NMNAT3: variants seen among roughly 807,000 people sequenced by gnomAD.
NMNAT3 encodes the protein nicotinamide nucleotide adenylyltransferase 3.
In NMNAT3, 21 loss-of-function variants were observed where a neutral mutation model predicts 24.8. That is an observed-to-expected ratio of 0.85 (90% CI 0.60 to 1.22). The LOEUF is 1.22. Among genes scored for constraint, NMNAT3 ranks in the 50% most tolerant of loss-of-function variants. The pLI is 0.00. For missense variants in NMNAT3, 387 were observed against 436.6 expected, an observed-to-expected ratio of 0.89 and a Z score of 1.01; for synonymous variants, 136 against 155.2, an observed-to-expected ratio of 0.88 and a Z score of 0.92.
chr3:139,563,544 A>G lies in NMNAT3; in HGVS notation c.659-2152T>C, dbSNP rs148319023. 3.3e-4 allele frequency among the ~76,000 whole-genome samples: 51 copies of G among 152,310 alleles called. 1 individual carries two copies. In the East Asian group the frequency reaches 8.3e-3, roughly 25 times the overall value. ...GATTCATTAACAATGACAGCAAGGA[A>G]TACTATTCACTTTGAGCCTTGCCTA... is the stretch of plus-strand genomic sequence containing the variant. On this transcript the variant is annotated intron_variant, in intron 6 of 6. Coordinates refer to ENST00000643695, the MANE Select transcript of NMNAT3 (RefSeq NM_001320510.2).
At chr3:139,578,013 C>T (rs1939591671) in intron 5 of NMNAT3, among the ~76,000 whole-genome samples, 1 of 152,222 alleles carries the variant, frequency 6.6e-6, no homozygotes, top group Non-Finnish European at 1.5e-5. Flanking sequence ...CCTCCCATTT[C>T]CTGCCAATCC....
chr3:139,604,357 A>T (rs2054846277), intron 3 of NMNAT3, among the ~76,000 whole-genome samples: 1 of 152,218 alleles, frequency 6.6e-6, no homozygotes, highest in South Asian at 2.1e-4. Context: ...AGTTTATGTA[A>T]CTGAGCTATT....
chr3:139,588,306 G>A (rs574342243), intron 3 of NMNAT3, among the ~76,000 whole-genome samples: 4 of 152,150 alleles, frequency 2.6e-5, no homozygotes, highest in East Asian at 1.9e-4. Context: ...TTTTCGTTCT[G>A]GGTAACACGA....
At chr3:139,565,435 A>C (rs963481926) in intron 6 of NMNAT3, 1 of 152,182 alleles carries the variant, frequency 6.6e-6, no homozygotes, top group African/African-American at 2.4e-5. Flanking sequence ...ATACGTATAC[A>C]TATGCCATGT....
chr3:139,621,918 C>CT (rs1394468853), intron 3 of NMNAT3, among the ~76,000 whole-genome samples: 1 of 152,148 alleles, frequency 6.6e-6, no homozygotes, highest in African/African-American at 2.4e-5. Context: ...TGATTTCATT[C>CT]TTTTTTGTGG....
intron 1 of NMNAT3, among the ~76,000 whole-genome samples, chr3:139,641,704 T>A (rs1375786004): frequency 6.6e-6 from 1 of 152,154 alleles, no homozygotes; most frequent in African/African-American, 2.4e-5. Flanking sequence ...ATAAATAAAA[T>A]AATAATTTAC....
At chr3:139,629,926 A>G (rs1222911488) in intron 2 of NMNAT3, among the ~76,000 whole-genome samples, 1 of 152,186 alleles carries the variant, frequency 6.6e-6, no homozygotes, top group Non-Finnish European at 1.5e-5. Flanking sequence ...CTAGGTACCT[A>G]TATCAGTTAG....
chr3:139,600,619 C>T (rs1191993294), intron 3 of NMNAT3, among the ~76,000 whole-genome samples: 1 of 152,136 alleles, frequency 6.6e-6, no homozygotes, highest in African/African-American at 2.4e-5. Flanking sequence ...CTCCCTGCTC[C>T]TGGCTTTTTC....
intron 3 of NMNAT3, chr3:139,599,569 G>C: frequency 1.6e-6 from 1 of 606,232 alleles, no homozygotes; most frequent in Admixed American, 3.0e-5. Flanking sequence ...AAAAAGACCA[G>C]AATCTCAACT....
At chr3:139,648,100 A>G (rs2056929347) in intron 1 of NMNAT3, among the ~76,000 whole-genome samples, 1 of 152,170 alleles carries the variant, frequency 6.6e-6, no homozygotes, top group Non-Finnish European at 1.5e-5. Flanking sequence ...ATGTTGAGGG[A>G]GGGATCTGGT....
At chr3:139,670,515 A>AACTACT (rs925330395) in intron 1 of NMNAT3, among the ~76,000 whole-genome samples, 1 of 152,200 alleles carries the variant, frequency 6.6e-6, no homozygotes, top group African/African-American at 2.4e-5. Context: ...CTTTCAAATA[A>AACTACT]ACTACTCAGA....
At chr3:139,650,060 A>G (rs1017242214) in intron 1 of NMNAT3, among the ~76,000 whole-genome samples, 1 of 152,204 alleles carries the variant, frequency 6.6e-6, no homozygotes, top group Non-Finnish European at 1.5e-5. Flanking sequence ...GGTAACTTCC[A>G]TCTCAAACAC....
intron 1 of NMNAT3, among the ~76,000 whole-genome samples, chr3:139,659,071 G>T (rs182322447): frequency 3.4e-4 from 52 of 152,242 alleles, no homozygotes; most frequent in Non-Finnish European, 6.2e-4. Flanking sequence ...TGTTTCTGAG[G>T]TTCACTCACA....
At chr3:139,632,900 A>G (rs953009245) in intron 2 of NMNAT3, among the ~76,000 whole-genome samples, 4 of 152,210 alleles carry the variant, frequency 2.6e-5, no homozygotes, top group African/African-American at 7.2e-5. Flanking sequence ...GAATCTTGAA[A>G]TGAGGAGGGT....
At chr3:139,586,204 T>A (rs2053933241) in intron 3 of NMNAT3, among the ~76,000 whole-genome samples, 2 of 152,252 alleles carry the variant, frequency 1.3e-5, no homozygotes, top group African/African-American at 2.4e-5. Context: ...AAGGGACCAA[T>A]ACACACTGGG....
At chr3:139,621,650 G>A (rs1411149570) in intron 3 of NMNAT3, among the ~76,000 whole-genome samples, 1 of 152,202 alleles carries the variant, frequency 6.6e-6, no homozygotes. Flanking sequence ...GGGATTACAG[G>A]CATGAGTCAC....
intron 1 of NMNAT3, among the ~76,000 whole-genome samples, chr3:139,668,288 G>A (rs1302868421): frequency 3.3e-5 from 5 of 152,202 alleles, no homozygotes; most frequent in Non-Finnish European, 1.5e-5. Flanking sequence ...TGTGAAGGTC[G>A]CTGGTGACCT....
intron 3 of NMNAT3, among the ~76,000 whole-genome samples, chr3:139,607,212 C>A (rs1231439594): frequency 2.0e-5 from 3 of 151,970 alleles, no homozygotes; most frequent in African/African-American, 7.2e-5. Context: ...ACACACCACT[C>A]TGTACTTATT....
At chr3:139,567,494 G>T (rs1208059985) in intron 6 of NMNAT3, 2 of 151,944 alleles carry the variant, frequency 1.3e-5, no homozygotes, top group Admixed American at 6.6e-5. Flanking sequence ...TTGGCTGTGG[G>T]TTTGTCATAG....
Sources: allele counts gnomAD v4.1 joint callset (sites outside exome capture counted in the v4.1 genomes callset), GRCh38; gene constraint gnomAD v4.1.1; transcripts MANE v1.5; gene names NCBI Gene and HGNC (gene_info 2026-07-23, HGNC 2026-07-21).